DIAPH3: variants seen among roughly 807,000 people sequenced by gnomAD.
The protein encoded by DIAPH3 is protein diaphanous homolog 3.
In DIAPH3, 117 loss-of-function variants were observed where a neutral mutation model predicts 144.3. The observed-to-expected ratio is 0.81, with a 90% confidence interval of 0.70 to 0.95. DIAPH3 has a LOEUF of 0.95. Among genes scored for constraint, DIAPH3 ranks in the 40% least tolerant of loss-of-function variants. The pLI is 0.00. For missense variants in DIAPH3, 1,421 were observed against 1,412.7 expected (o/e 1.01, Z -0.09); for synonymous variants, 519 against 488.9 (o/e 1.06, Z -0.81).
At chr13:59,805,460 T>G (rs544635558) in intron 25 of DIAPH3, among the ~76,000 whole-genome samples, 2 of 152,192 alleles carry the variant, frequency 1.3e-5, no homozygotes, top group African/African-American at 4.8e-5. Flanking sequence ...TAATAACCAC[T>G]AGGGTCTATG....
At chr13:59,818,067 G>A (rs944583407) in intron 24 of DIAPH3, among the ~76,000 whole-genome samples, 6 of 151,732 alleles carry the variant, frequency 4.0e-5, no homozygotes, top group African/African-American at 1.5e-4. Context: ...TCCTTAGATT[G>A]ACCACGTATT....
chr13:59,772,678 C>T (rs1307384493), intron 27 of DIAPH3, among the ~76,000 whole-genome samples: 1 of 151,980 alleles, frequency 6.6e-6, no homozygotes, highest in Non-Finnish European at 1.5e-5. Context: ...AACTAATTTT[C>T]CCCCACATAG....
At chr13:59,883,130 G>A (rs543083919) in intron 20 of DIAPH3, among the ~76,000 whole-genome samples, 173 of 152,264 alleles carry the variant, frequency 1.1e-3, no homozygotes, top group African/African-American at 4.1e-3. Context: ...TCAGTGCTGT[G>A]AGGGGCACAG....
At chr13:60,109,039 A>G (rs2058495882) in intron 3 of DIAPH3, among the ~76,000 whole-genome samples, 1 of 152,220 alleles carries the variant, frequency 6.6e-6, no homozygotes, top group Non-Finnish European at 1.5e-5. Flanking sequence ...TCTCCATGAA[A>G]GGGCTCAAGT....
intron 20 of DIAPH3, among the ~76,000 whole-genome samples, chr13:59,907,437 T>C (rs1049930152): frequency 1.3e-5 from 2 of 152,204 alleles, no homozygotes; most frequent in African/African-American, 4.8e-5. Context: ...GAGAGTTTAT[T>C]GGATTTTTGA....
chr13:59,723,859 C>A (rs531009810), intron 27 of DIAPH3, among the ~76,000 whole-genome samples: 2 of 150,640 alleles, frequency 1.3e-5, no homozygotes, highest in African/African-American at 4.9e-5. Context: ...GTGATCCGCC[C>A]GCCTCGGCCT....
At chr13:60,026,409 T>A (rs1014287742) in intron 5 of DIAPH3, among the ~76,000 whole-genome samples, 5 of 152,062 alleles carry the variant, frequency 3.3e-5, no homozygotes, top group African/African-American at 9.7e-5. Flanking sequence ...CCAAAAAAAA[T>A]TTTTTTAGCA....
At chr13:59,845,198 A>G (rs561151227) in intron 22 of DIAPH3, among the ~76,000 whole-genome samples, 28 of 151,926 alleles carry the variant, frequency 1.8e-4, no homozygotes, top group African/African-American at 6.5e-4. Context: ...GGCATAAACC[A>G]CCACCTGGCT....
chr13:59,825,793 T>C (rs572170550), intron 24 of DIAPH3, among the ~76,000 whole-genome samples: 132 of 152,276 alleles, frequency 8.7e-4, no homozygotes, highest in Middle Eastern at 6.8e-3. Context: ...CCAGTGATGA[T>C]GAGCATTTTT....
chr13:59,939,627 G>A (rs566010805), intron 17 of DIAPH3, among the ~76,000 whole-genome samples: 3 of 152,244 alleles, frequency 2.0e-5, no homozygotes, highest in East Asian at 3.9e-4. Context: ...ATGCTTAAAA[G>A]CCTCAAACCA....
At chr13:59,798,355 A>T (rs1041543156) in intron 25 of DIAPH3, among the ~76,000 whole-genome samples, 7 of 152,220 alleles carry the variant, frequency 4.6e-5, no homozygotes, top group Admixed American at 4.6e-4. Context: ...AGCAAAAAAA[A>T]AATTCAAAGC....
At chr13:59,898,798 G>A (rs1436598910) in intron 20 of DIAPH3, among the ~76,000 whole-genome samples, 1 of 152,126 alleles carries the variant, frequency 6.6e-6, no homozygotes, top group Non-Finnish European at 1.5e-5. Context: ...AATATTGAGT[G>A]TCAACTTGTT....
chr13:59,796,064 T>A (rs73208941), intron 25 of DIAPH3, among the ~76,000 whole-genome samples: 4,697 of 152,274 alleles, frequency 0.031, 113 homozygotes, highest in Non-Finnish European at 0.042. Context: ...GTTTGTATTG[T>A]AAGTGAATCT....
At chr13:59,798,095 C>G (rs1012246220) in intron 25 of DIAPH3, among the ~76,000 whole-genome samples, 4 of 152,160 alleles carry the variant, frequency 2.6e-5, no homozygotes, top group African/African-American at 9.7e-5. Flanking sequence ...CACACCCAAT[C>G]CACTAGAAAG....
chr13:60,108,278 G>A (rs980881372), intron 3 of DIAPH3, among the ~76,000 whole-genome samples: 1 of 152,172 alleles, frequency 6.6e-6, no homozygotes, highest in African/African-American at 2.4e-5. Context: ...CACATGTGAA[G>A]ATAATTAAAG....
chr13:59,713,499 G>C (rs1392832126), intron 27 of DIAPH3, among the ~76,000 whole-genome samples: 2 of 152,180 alleles, frequency 1.3e-5, no homozygotes, highest in Non-Finnish European at 2.9e-5. Context: ...AGTGATCTGG[G>C]ATGGGGAAGT....
intron 27 of DIAPH3, among the ~76,000 whole-genome samples, chr13:59,712,869 CA>C (rs1297408043): frequency 6.6e-6 from 1 of 152,180 alleles, no homozygotes; most frequent in East Asian, 1.9e-4. Context: ...AATTTTTCCA[CA>C]GGGGTGAGGG....
chr13:59,926,332 C>A (rs2047750796), intron 17 of DIAPH3, among the ~76,000 whole-genome samples: 1 of 152,114 alleles, frequency 6.6e-6, no homozygotes, highest in Non-Finnish European at 1.5e-5. Context: ...CTGCTCTGAA[C>A]TTTATTATTT....
chr13:59,724,725 A>C (rs10507639), intron 27 of DIAPH3, among the ~76,000 whole-genome samples: 6,520 of 152,334 alleles, frequency 0.043, 233 homozygotes, highest in South Asian at 0.1. Context: ...CCTTTATGGT[A>C]GTCACAGATA....
Sources: gnomAD v4.1 joint callset for allele counts (sites outside exome capture counted in the v4.1 genomes callset) on GRCh38, gnomAD v4.1.1 for gene constraint, MANE v1.5 for transcripts, NCBI Gene and HGNC (gene_info 2026-07-23, HGNC 2026-07-21) for gene names.